CTNNA2: variants seen among roughly 807,000 people sequenced by gnomAD.
The protein encoded by CTNNA2 is catenin alpha-2.
A neutral mutation model predicts 101.0 loss-of-function variants in CTNNA2; 42 were observed. The ratio of observed to expected loss-of-function variants is 0.42; its 90% confidence interval spans 0.32 to 0.54. The LOEUF (loss-of-function observed/expected upper bound fraction) is 0.54. Ranked by LOEUF, CTNNA2 falls within the 20% of genes least tolerant of loss-of-function variation. The pLI is 0.14. For missense variants in CTNNA2, 871 were observed against 1,223.1 expected, an observed-to-expected ratio of 0.71 and a Z score of 4.29; for synonymous variants, 450 against 456.4, an observed-to-expected ratio of 0.99 and a Z score of 0.18.
chr2:80,504,972 G>T (rs1338905793), intron 9 of CTNNA2, among the ~76,000 whole-genome samples: 1 of 152,122 alleles, frequency 6.6e-6, no homozygotes, highest in South Asian at 2.1e-4. Context: ...AGGTGCTGGC[G>T]CTCCTAGATG....
At chr2:80,423,041 G>A (rs753382688) in intron 9 of CTNNA2, among the ~76,000 whole-genome samples, 1 of 151,822 alleles carries the variant, frequency 6.6e-6, no homozygotes, top group African/African-American at 2.4e-5. Flanking sequence ...TCTGCAGTAC[G>A]GTTTCTTTTT....
chr2:79,318,210 A>G (rs765329483), intron 3 of CTNNA2, among the ~76,000 whole-genome samples: 3 of 152,160 alleles, frequency 2.0e-5, no homozygotes, highest in Non-Finnish European at 2.9e-5. Context: ...TATAATGCAT[A>G]TATACCCACA....
intron 1 of CTNNA2, among the ~76,000 whole-genome samples, chr2:79,516,200 T>G (rs372967366): frequency 6.6e-6 from 1 of 152,206 alleles, no homozygotes; most frequent in African/African-American, 2.4e-5. Flanking sequence ...GGGCTTGCTT[T>G]AAAGGTTAAA....
At chr2:79,723,760 G>A (rs183503731) in intron 2 of CTNNA2, among the ~76,000 whole-genome samples, 9 of 151,582 alleles carry the variant, frequency 5.9e-5, no homozygotes, top group Admixed American at 3.9e-4. Context: ...CCCACCCCCC[G>A]CTCTAATGGT....
intron 7 of CTNNA2, among the ~76,000 whole-genome samples, chr2:80,306,499 C>T (rs1291050780): frequency 2.7e-5 from 4 of 145,460 alleles, no homozygotes. Context: ...TTGATGATTG[C>T]CTCTCTGTCA....
At chr2:80,062,797 C>T (rs1324957768) in intron 7 of CTNNA2, among the ~76,000 whole-genome samples, 1 of 150,732 alleles carries the variant, frequency 6.6e-6, no homozygotes, top group Non-Finnish European at 1.5e-5. Flanking sequence ...GCTCCACCTG[C>T]CATGTTCACG....
At chr2:79,714,295 C>T (rs536630484) in intron 2 of CTNNA2, among the ~76,000 whole-genome samples, 2 of 151,854 alleles carry the variant, frequency 1.3e-5, no homozygotes, top group African/African-American at 2.4e-5. Context: ...ATATATTTAA[C>T]ATTATGTGTT....
intron 4 of CTNNA2, among the ~76,000 whole-genome samples, chr2:79,440,736 T>G (rs148830434): frequency 2.6e-5 from 4 of 152,102 alleles, no homozygotes; most frequent in African/African-American, 9.7e-5. Flanking sequence ...TGTGCTCCCC[T>G]GAATCTCTAA....
intron 2 of CTNNA2, among the ~76,000 whole-genome samples, chr2:79,709,822 C>G (rs1685629176): frequency 6.6e-6 from 1 of 152,016 alleles, no homozygotes; most frequent in Non-Finnish European, 1.5e-5. Context: ...ATCAAAGTCA[C>G]AAAATCAAAG....
intron 7 of CTNNA2, among the ~76,000 whole-genome samples, chr2:79,956,843 G>GTTTTTTGTTTTTTTTTT (rs1553413397): frequency 2.0e-5 from 2 of 98,936 alleles, no homozygotes; most frequent in African/African-American, 9.4e-5. Context: ...ATACGTGTGG[G>GTTTTTTGTTTTTTTTTT]TTTTTTTTTT....
chr2:80,572,468 A>G lies in CTNNA2; in HGVS notation c.1742-1695A>G, dbSNP rs137946313. Among the ~76,000 whole-genome samples the G allele has an allele frequency of 7.2e-5, 11 of 152,344 alleles. No individual in the cohort carries two copies. The East Asian group carries it at 1.7e-3, about 24-fold the overall frequency. On this transcript the variant is annotated intron_variant, in intron 12 of 18. Transcript: ENST00000402739. ...CTCCCTTGTAGTATTACATAGAACT[A>G]TAACATCACTGATGGTCATACTTAT...
intron 12 of CTNNA2, among the ~76,000 whole-genome samples, chr2:80,565,064 A>G (rs1027297717): frequency 1.3e-5 from 2 of 152,216 alleles, no homozygotes; most frequent in Admixed American, 1.3e-4. Flanking sequence ...TGGTGTAAAT[A>G]TGAGATAGAA....
chr2:80,467,118 T>G (rs1297977449), intron 9 of CTNNA2, among the ~76,000 whole-genome samples: 1 of 152,086 alleles, frequency 6.6e-6, no homozygotes, highest in African/African-American at 2.4e-5. Context: ...CAGGGAGAGA[T>G]AAAAAGTCTC....
intron 1 of CTNNA2, among the ~76,000 whole-genome samples, chr2:79,643,715 T>G (rs1680608289): frequency 6.6e-6 from 1 of 152,126 alleles, no homozygotes; most frequent in Non-Finnish European, 1.5e-5. Flanking sequence ...AAGGTATTGA[T>G]AGGGCTGTGT....
rs573388056 is a variant in CTNNA2 at position 80,463,006 on chromosome 2, G to C, written c.1290+43405G>C. ...GCACACTGATTATTCCAGATTCTAT[G>C]GTTCCTGTTTCCAACCCTCTCAGCC... On this transcript the variant is annotated intron_variant, in intron 9 of 18. Transcript: ENST00000402739. Among the ~76,000 whole-genome samples, 295 of 152,156 alleles carry C rather than the reference G, an allele frequency of 1.9e-3. 2 individuals are homozygous for C. The highest frequency in any genetic ancestry group is 6.9e-3 in the African/African-American group (287 of 41,516).
intron 7 of CTNNA2, among the ~76,000 whole-genome samples, chr2:79,961,984 G>T (rs1689669259): frequency 6.6e-6 from 1 of 152,190 alleles, no homozygotes; most frequent in Admixed American, 6.5e-5. Flanking sequence ...ATCCTTGACT[G>T]CTATCACATA....
chr2:80,028,535 G>C (rs1214387226), intron 7 of CTNNA2, among the ~76,000 whole-genome samples: 1 of 152,198 alleles, frequency 6.6e-6, no homozygotes, highest in East Asian at 1.9e-4. Flanking sequence ...CTGGCTAGGA[G>C]AGGCCGAATA....
At chr2:79,458,949 A>C (rs116744084) in intron 4 of CTNNA2, among the ~76,000 whole-genome samples, 2 of 152,110 alleles carry the variant, frequency 1.3e-5, no homozygotes, top group Non-Finnish European at 2.9e-5. Flanking sequence ...AGCTAATTCA[A>C]ATATAACTAT....
intron 2 of CTNNA2, among the ~76,000 whole-genome samples, chr2:79,677,773 T>C (rs1683283112): frequency 6.6e-6 from 1 of 152,170 alleles, no homozygotes. Context: ...AAGGAAATGT[T>C]AAAGAATAAA....
Sources: allele counts gnomAD v4.1 joint callset (sites outside exome capture counted in the v4.1 genomes callset), GRCh38; gene constraint gnomAD v4.1.1; transcripts MANE v1.5; gene names NCBI Gene and HGNC (gene_info 2026-07-23, HGNC 2026-07-21).